The following SYNE2 variants were observed in gnomAD, a reference collection of about 807,000 sequenced individuals.
The protein encoded by SYNE2 is nesprin-2.
In SYNE2, 431 loss-of-function variants were observed where a neutral mutation model predicts 856.3. The observed-to-expected ratio is 0.50, with a 90% CI of 0.47 to 0.55. The LOEUF (loss-of-function observed/expected upper bound fraction) is 0.55, where lower values mean the gene tolerates loss of function less well. Among genes scored for constraint, SYNE2 ranks in the 20% least tolerant of loss-of-function variants. SYNE2 has a pLI of 0.00. For synonymous variants in SYNE2, 2,923 were observed against 2,872.3 expected (o/e 1.02, Z -0.56); for missense variants, 8,129 against 8,023.2 (o/e 1.01, Z -0.50).
chr14:63,933,700 T>G (rs1397863268), intron 2 of SYNE2, among the ~76,000 whole-genome samples: 2 of 152,320 alleles, frequency 1.3e-5, no homozygotes, highest in East Asian at 3.9e-4. Flanking sequence ...TCCCTTAGCT[T>G]TTTTACAGAA....
intron 28 of SYNE2, among the ~76,000 whole-genome samples, chr14:64,000,942 C>T (rs942297356): frequency 2.6e-5 from 4 of 152,144 alleles, no homozygotes; most frequent in African/African-American, 7.2e-5. Context: ...TAGCTAGAAA[C>T]TTAGTAGAAC....
chr14:63,883,298 A>T (rs2094907851), intron 1 of SYNE2, among the ~76,000 whole-genome samples: 2 of 152,050 alleles, frequency 1.3e-5, no homozygotes, highest in Non-Finnish European at 2.9e-5. Context: ...ATGTCAAGTG[A>T]TCCACCTGCC....
intron 1 of SYNE2, among the ~76,000 whole-genome samples, chr14:63,831,607 G>C (rs1015233383): frequency 7.5e-6 from 1 of 133,198 alleles, no homozygotes; most frequent in Non-Finnish European, 1.5e-5. Context: ...CCAGGCAGGA[G>C]TGCAGTGGCA....
intron 45 of SYNE2, among the ~76,000 whole-genome samples, chr14:64,039,023 G>A (rs138621941): frequency 1.1e-3 from 169 of 152,306 alleles, no homozygotes; most frequent in Admixed American, 5.0e-3. Flanking sequence ...GTGGCTGGCT[G>A]TGCCTTACGA....
In SYNE2 at chr14:64,130,147, A is replaced by G. The variant is rs759983332; in HGVS notation, c.14239A>G (p.Met4747Val). ...CCAGCAAGATGCTTTGTTGCAAGGC[A>G]TGGTGGAACTGGTGAAGATTGGGAA... ...ESQQDALLQGMVELVKIGKEK... is the reference protein window; with the variant it reads ...ESQQDALLQGVVELVKIGKEK... The change falls in exon 76 of 116, where the codon ATG (methionine) becomes GTG (valine). Residue 4747 changes from methionine (M) to valine (V), a missense_variant. Met to Val is a conservative substitution (Grantham distance 21). Coordinates refer to ENST00000555002, the MANE Select transcript of SYNE2 (RefSeq NM_182914.3). 30 of 1,614,066 alleles carry G rather than the reference A, an allele frequency of 1.9e-5. No individual in the cohort carries two copies. Among genetic ancestry groups the G allele is most frequent in the African/African-American group, 5.3e-5 (4 of 74,952 alleles).
intron 50 of SYNE2, 80 bp from the exon 51 acceptor site, chr14:64,065,352 T>C (rs2097350795): frequency 9.9e-6 from 12 of 1,216,594 alleles, no homozygotes; most frequent in Non-Finnish European, 1.3e-5. Flanking sequence ...AATTAATTGT[T>C]CAGGATTTAA....
At position 64,218,390 on chromosome 14, in the gene SYNE2, C is replaced by A. The variant is rs746189092; in HGVS notation, c.19543-8C>A. On this transcript the variant is annotated splice_polypyrimidine_tract_variant and splice_region_variant and intron_variant, in intron 108 of 115. Transcript: ENST00000555002. ...ACAGATGGTAACTTAAAAACTGGCT[C>A]ATTCTAGGGAAAGCTACTATTACCT... 6.2e-7 allele frequency: 1 copy of A among 1,613,528 alleles called. No homozygotes were observed. The highest frequency in any genetic ancestry group is 1.7e-5 in the Admixed American group (1 of 60,000).
chr14:64,017,119 C>G (rs1281791345), intron 33 of SYNE2, among the ~76,000 whole-genome samples: 1 of 151,968 alleles, frequency 6.6e-6, no homozygotes, highest in Non-Finnish European at 1.5e-5. Flanking sequence ...CACCTGAGGT[C>G]AGGGGTTTGA....
chr14:64,216,511 C>T (rs1365120481), intron 108 of SYNE2, 124 bp downstream of exon 108: 5 of 1,102,964 alleles, frequency 4.5e-6, no homozygotes, highest in Non-Finnish European at 6.9e-6. Flanking sequence ...AGTTGGTTTT[C>T]TTATGGTGAC....
chr14:63,788,493 G>A (rs898735990), intron 1 of SYNE2, among the ~76,000 whole-genome samples: 1 of 152,108 alleles, frequency 6.6e-6, no homozygotes, highest in African/African-American at 2.4e-5. Flanking sequence ...CAAGAGCACA[G>A]GGAGGCTCGG....
At position 63,889,738 on chromosome 14, in the gene SYNE2, A is replaced by G. The variant is rs138175157; in HGVS notation, c.-51-19360A>G. On this transcript the variant is annotated intron_variant, in intron 1 of 115. Coordinates refer to ENST00000555002, the MANE Select transcript of SYNE2 (RefSeq NM_182914.3). ...AGTGATCCTCCCACCTTGGCCTCCT[A>G]AAATGCTGGGATTACGGATGTGAGC... 9.1e-3 allele frequency among the ~76,000 whole-genome samples: 1,381 copies of G among 152,200 alleles called. 30 individuals carry two copies. The highest frequency in any genetic ancestry group is 0.032 in the African/African-American group (1,323 of 41,540).
At chr14:64,038,408 G>A (rs1452774135) in intron 45 of SYNE2, among the ~76,000 whole-genome samples, 2 of 152,394 alleles carry the variant, frequency 1.3e-5, no homozygotes, top group African/African-American at 2.4e-5. Context: ...TGGGCGGCCC[G>A]GCAGAGACAC....
In SYNE2 at chr14:63,997,219, A is replaced by G. The variant is rs1594758090; in HGVS notation, c.3152+61A>G. On this transcript the variant is annotated intron_variant, in intron 24 of 115. Coordinates refer to ENST00000555002, the MANE Select transcript of SYNE2 (RefSeq NM_182914.3). ...AAAACGAAGCCTTTTGCACGATCAA[A>G]TGACATTAAGCGTTAGTCATGCTTG... 5 of 1,588,682 alleles carry G rather than the reference A, an allele frequency of 3.1e-6. No individual in the cohort carries two copies. The East Asian group carries it at 1.1e-4, about 36-fold the overall frequency.
rs1373876676 is a variant in SYNE2, at chr14:64,009,807, C to T, written c.4578-159C>T. Reference sequence around the variant, plus strand: ...TCTATTTGCCAGATATATTGATGTGCCATCATTCTTAGGTTAAATTGGTAA... The same window carrying T: ...TCTATTTGCCAGATATATTGATGTGTCATCATTCTTAGGTTAAATTGGTAA... On this transcript the variant is annotated intron_variant, in intron 31 of 115. Coordinates refer to ENST00000555002, the MANE Select transcript of SYNE2 (RefSeq NM_182914.3). Among the ~76,000 whole-genome samples, 3 of 151,982 alleles carry T rather than the reference C, an allele frequency of 2.0e-5. 1 individual carries two copies. In the East Asian group the frequency reaches 5.8e-4, roughly 29 times the overall value.
At chr14:63,798,064 T>C (rs1474083205) in intron 1 of SYNE2, among the ~76,000 whole-genome samples, 2 of 152,238 alleles carry the variant, frequency 1.3e-5, no homozygotes, top group African/African-American at 4.8e-5. Flanking sequence ...CTTGCATCTA[T>C]ATTTTTTGAG....
At chr14:64,009,094 T>C (rs1366391442) in intron 31 of SYNE2, among the ~76,000 whole-genome samples, 3 of 152,136 alleles carry the variant, frequency 2.0e-5, no homozygotes. Context: ...GAGGAAAGAA[T>C]TGAGATTCAA....
At chr14:64,037,951 A>C (rs2097109681) in intron 45 of SYNE2, among the ~76,000 whole-genome samples, 1 of 146,360 alleles carries the variant, frequency 6.8e-6, no homozygotes, top group African/African-American at 2.6e-5. Flanking sequence ...TGACCCCCCC[A>C]CCTCCCTCCC....
In SYNE2 at chr14:64,052,830, G is replaced by A; in HGVS notation, c.8917G>A (p.Val2973Ile). ...CAATGAACTATTACTTAATCAAGAA[G>A]TAAATAAAGGTGTTAAAGAGGAGAT... Reference protein sequence around the residue: ...QRNELLLNQEVNKGVKEEIYN... With the variant: ...QRNELLLNQEINKGVKEEIYN... Residue 2973 changes from valine to isoleucine, a missense_variant, in exon 48 of 116, where the codon GTA (valine) becomes ATA (isoleucine). Coordinates refer to ENST00000555002, the MANE Select transcript of SYNE2 (RefSeq NM_182914.3). 2 of 1,613,186 alleles carry A rather than the reference G, an allele frequency of 1.2e-6. No homozygotes were observed. Among genetic ancestry groups the A allele is most frequent in the Non-Finnish European group, 1.7e-6 (2 of 1,179,824 alleles).
At chr14:63,998,815 G>C in intron 26 of SYNE2, 99 bp from the exon 27 acceptor site, 1 of 1,371,310 alleles carries the variant, frequency 7.3e-7, no homozygotes. Flanking sequence ...CACCCGCCTT[G>C]GCCTCCCAAA....
Sources: allele counts gnomAD v4.1 joint callset (sites outside exome capture counted in the v4.1 genomes callset), GRCh38; gene constraint gnomAD v4.1.1; transcripts MANE v1.5; gene names NCBI Gene and HGNC (gene_info 2026-07-23, HGNC 2026-07-21).